Variants in RGS6 observed in about 807,000 individuals in gnomAD.
RGS6 encodes regulator of G-protein signaling 6.
In RGS6, 30 loss-of-function variants were observed where a neutral mutation model predicts 78.5. That is an observed-to-expected ratio of 0.38 (90% confidence interval 0.29 to 0.52). The LOEUF (loss-of-function observed/expected upper bound fraction) is 0.52. RGS6 is among the 20% of genes least tolerant of loss of function. The pLI, the probability that RGS6 is intolerant of heterozygous loss-of-function variation, is 0.85. For missense variants in RGS6, 495 were observed against 609.7 expected (o/e 0.81, Z 1.98); for synonymous variants, 206 against 206.0 (o/e 1.00, Z 0.00).
chr14:71,877,506 T>A, the RGS6 span, among the ~76,000 whole-genome samples: 7 of 152,230 alleles, frequency 4.6e-5, no homozygotes, highest in Admixed American at 2.0e-4. Flanking sequence ...GTAGTTCTCG[T>A]GCCATGGTTT....
chr14:72,350,104 C>T (rs2681750), intron 2 of RGS6, among the ~76,000 whole-genome samples: 58,546 of 152,050 alleles, frequency 0.39, 13,698 homozygotes, highest in African/African-American at 0.66. Context: ...GATAAAACTC[C>T]CTCTTCAGTT....
the RGS6 span, among the ~76,000 whole-genome samples, chr14:71,909,154 T>TA: frequency 2.0e-5 from 3 of 152,194 alleles, no homozygotes; most frequent in Non-Finnish European, 4.4e-5. Flanking sequence ...TCTAGCCCCT[T>TA]ACAGTTTCTA....
At chr14:71,992,644 C>T (rs1364194927) in intron 2 of RGS6, among the ~76,000 whole-genome samples, 1 of 152,180 alleles carries the variant, frequency 6.6e-6, no homozygotes, top group Non-Finnish European at 1.5e-5. Context: ...CTCTTAACTA[C>T]TCATTATGTT....
At chr14:72,309,533 G>T (rs148531117) in intron 2 of RGS6, among the ~76,000 whole-genome samples, 1 of 152,310 alleles carries the variant, frequency 6.6e-6, no homozygotes, top group East Asian at 1.9e-4. Flanking sequence ...ATCAATGTTG[G>T]TAGTTTGTAT....
intron 2 of RGS6, among the ~76,000 whole-genome samples, chr14:72,109,219 C>G (rs2095700408): frequency 6.6e-6 from 1 of 151,944 alleles, no homozygotes; most frequent in Non-Finnish European, 1.5e-5. Flanking sequence ...AGAGCAGGTG[C>G]TGGCTAATTG....
intron 13 of RGS6, among the ~76,000 whole-genome samples, chr14:72,507,753 T>C (rs796692328): frequency 6.6e-6 from 1 of 152,192 alleles, no homozygotes; most frequent in East Asian, 1.9e-4. Flanking sequence ...TGAGTGAATT[T>C]CTACAGCTGC....
chr14:72,308,990 A>G (rs1441138469), intron 2 of RGS6, among the ~76,000 whole-genome samples: 1 of 152,200 alleles, frequency 6.6e-6, no homozygotes, highest in Non-Finnish European at 1.5e-5. Context: ...TGGCCTTAGT[A>G]TCAGTGTTTG....
intron 6 of RGS6, 133 bp downstream of exon 6, chr14:72,459,816 A>C (rs2095731787): frequency 1.2e-6 from 1 of 843,174 alleles, no homozygotes; most frequent in Non-Finnish European, 2.0e-6. Context: ...GTCCTTTCTC[A>C]TATTGTTGCT....
chr14:72,376,980 AAGAG>A (rs1243903751), intron 3 of RGS6, among the ~76,000 whole-genome samples: 1 of 152,210 alleles, frequency 6.6e-6, no homozygotes, highest in Non-Finnish European at 1.5e-5. Flanking sequence ...CTGCAAAAAT[AAGAG>A]AGGAAGTAAG....
At chr14:72,365,413 C>G (rs950385302) in intron 3 of RGS6, among the ~76,000 whole-genome samples, 1 of 152,194 alleles carries the variant, frequency 6.6e-6, no homozygotes, top group Non-Finnish European at 1.5e-5. Context: ...ACACAAAGAT[C>G]AGAGTTGAAG....
intron 8 of RGS6, 72 bp from the exon 9 acceptor site, chr14:72,472,800 C>T (rs916482209): frequency 7.0e-6 from 8 of 1,138,566 alleles, no homozygotes; most frequent in South Asian, 1.4e-5. Flanking sequence ...CAGGAGCAAA[C>T]GCTGGAGCAA....
In RGS6 at chr14:72,495,152, T is replaced by G. The variant is rs2096628149; in HGVS notation, c.855T>G (p.Ser285Arg). Residue 285 changes from serine to arginine, a missense_variant and splice_region_variant, in exon 13 of 18, where the codon AGT becomes AGG. Coordinates refer to ENST00000553525, the MANE Select transcript of RGS6 (RefSeq NM_001204424.2). ...HCLKMSKVAE[S>R]LIAYTEQYVE... ...TCTTTGCTCTGCCTCCCTCCTGCAG[T>G]TTAATTGCCTACACGGAACAATATG... 6.3e-7 allele frequency: 1 copy of G among 1,597,862 alleles called. No homozygotes were observed. Among genetic ancestry groups the G allele is most frequent in the Non-Finnish European group, 8.6e-7 (1 of 1,165,348 alleles).
chr14:72,116,345 G>A (rs867434537), intron 2 of RGS6, among the ~76,000 whole-genome samples: 23 of 152,106 alleles, frequency 1.5e-4, no homozygotes, highest in African/African-American at 5.3e-4. Context: ...TAATGGTACA[G>A]TGTCAGCCGT....
intron 13 of RGS6, among the ~76,000 whole-genome samples, chr14:72,500,423 G>C (rs1566991826): frequency 6.6e-6 from 1 of 152,244 alleles, no homozygotes; most frequent in East Asian, 1.9e-4. Flanking sequence ...TCCAGCCAAG[G>C]GATGGTTTCT....
intron 17 of RGS6, among the ~76,000 whole-genome samples, chr14:72,544,954 C>T (rs776664934): frequency 6.6e-6 from 1 of 152,194 alleles, no homozygotes; most frequent in Non-Finnish European, 1.5e-5. Context: ...AGTCAGCCAA[C>T]CGGCAGAAGC....
intron 2 of RGS6, among the ~76,000 whole-genome samples, chr14:72,150,550 C>T (rs966966459): frequency 3.3e-5 from 5 of 152,012 alleles, no homozygotes; most frequent in Non-Finnish European, 7.4e-5. Context: ...GATCCCCAGG[C>T]TCTATGGAAA....
chr14:72,506,013 G>A (rs988443122), intron 13 of RGS6, among the ~76,000 whole-genome samples: 1 of 152,170 alleles, frequency 6.6e-6, no homozygotes, highest in Admixed American at 6.5e-5. Context: ...TGGGAGGCAG[G>A]AACTTGATAA....
At chr14:72,113,175 G>A (rs1454473989) in intron 2 of RGS6, among the ~76,000 whole-genome samples, 4 of 152,226 alleles carry the variant, frequency 2.6e-5, no homozygotes, top group Non-Finnish European at 5.9e-5. Flanking sequence ...CCGACATGTG[G>A]ATGACTATGG....
intron 2 of RGS6, among the ~76,000 whole-genome samples, chr14:72,295,673 A>G (rs2064668040): frequency 6.6e-6 from 1 of 152,190 alleles, no homozygotes; most frequent in Non-Finnish European, 1.5e-5. Context: ...ATGTTTTTAT[A>G]TAGGGTAATA....
Sources: allele counts gnomAD v4.1 joint callset (sites outside exome capture counted in the v4.1 genomes callset), GRCh38; gene constraint gnomAD v4.1.1; transcripts MANE v1.5; gene names NCBI Gene and HGNC (gene_info 2026-07-23, HGNC 2026-07-21).